Variants in MIPOL1 observed in about 807,000 individuals in gnomAD.
MIPOL1 encodes mirror-image polydactyly gene 1 protein.
A neutral mutation model predicts 60.9 loss-of-function variants in MIPOL1; 57 were observed. The observed-to-expected ratio is 0.94, with a 90% CI of 0.76 to 1.17. The LOEUF is 1.17. MIPOL1 is among the 50% of genes most tolerant of loss of function. MIPOL1 has a pLI of 0.00. For missense variants in MIPOL1, 551 were observed against 511.6 expected (o/e 1.08, Z -0.74); for synonymous variants, 179 against 168.8 (o/e 1.06, Z -0.47).
Position 37,202,593 on chromosome 14 carries a change from C to A in MIPOL1, c.-199+4489C>A, listed in dbSNP as rs572538876. Among the ~76,000 whole-genome samples the A allele has an allele frequency of 1.0e-3, 155 of 152,296 alleles. 3 individuals are homozygous for A. Among genetic ancestry groups the A allele is most frequent in the South Asian group, 7.0e-3 (34 of 4,828 alleles). Reference sequence around the variant, plus strand: ...CTCAGACAAGGGAGTCCCCTCCCTCCAGGGCTTCAGACTTCATAAGGGAGC... The same window carrying A: ...CTCAGACAAGGGAGTCCCCTCCCTCAAGGGCTTCAGACTTCATAAGGGAGC... On this transcript the variant is annotated intron_variant, in intron 1 of 12. Coordinates refer to ENST00000684589, the MANE Select transcript of MIPOL1 (RefSeq NM_001388067.1).
intron 6 of MIPOL1, 47 bp downstream of exon 6, chr14:37,270,572 G>A (rs773667734): frequency 4.0e-6 from 4 of 998,102 alleles, no homozygotes; most frequent in African/African-American, 3.4e-5. Flanking sequence ...TCACACACAA[G>A]GTTATTATAT....
At chr14:37,224,917 T>G in intron 1 of MIPOL1, among the ~76,000 whole-genome samples, 1 of 152,126 alleles carries the variant, frequency 6.6e-6, no homozygotes, top group East Asian at 1.9e-4. Flanking sequence ...GGTATAGGCA[T>G]TGGGCAAATA....
chr14:37,484,777 ATT>A (rs2094922929), intron 11 of MIPOL1, among the ~76,000 whole-genome samples: 1 of 151,946 alleles, frequency 6.6e-6, no homozygotes, highest in Non-Finnish European at 1.5e-5. Flanking sequence ...CAATTCTGCT[ATT>A]TAGCCTATCC....
chr14:37,393,100 A>G (rs2093289028), intron 10 of MIPOL1, among the ~76,000 whole-genome samples: 1 of 152,156 alleles, frequency 6.6e-6, no homozygotes. Flanking sequence ...GGCAGAGATT[A>G]GTGTGTCCAC....
intron 11 of MIPOL1, among the ~76,000 whole-genome samples, chr14:37,463,390 A>C (rs573134949): frequency 6.6e-6 from 1 of 152,318 alleles, no homozygotes; most frequent in South Asian, 2.1e-4. Context: ...AAATTATATC[A>C]GTACAGATAG....
chr14:37,387,514 C>T (rs1399662588), intron 10 of MIPOL1, among the ~76,000 whole-genome samples: 1 of 151,832 alleles, frequency 6.6e-6, no homozygotes, highest in Non-Finnish European at 1.5e-5. Flanking sequence ...GATTGTTGAA[C>T]TTAAATCATG....
chr14:37,327,444 C>T (rs999486994), intron 9 of MIPOL1, among the ~76,000 whole-genome samples: 4 of 152,114 alleles, frequency 2.6e-5, no homozygotes, highest in African/African-American at 9.7e-5. Context: ...CATGCCACCA[C>T]ACCCGGCTAC....
intron 1 of MIPOL1, among the ~76,000 whole-genome samples, chr14:37,224,071 T>C (rs1343671969): frequency 6.6e-6 from 1 of 152,166 alleles, no homozygotes; most frequent in African/African-American, 2.4e-5. Flanking sequence ...TTCTCAAAGG[T>C]TACAGTGTTA....
chr14:37,544,250 A>G (rs1275494160), intron 12 of MIPOL1, among the ~76,000 whole-genome samples: 1 of 152,228 alleles, frequency 6.6e-6, no homozygotes, highest in Non-Finnish European at 1.5e-5. Flanking sequence ...AACAAAAATC[A>G]TATTTAAAGT....
At chr14:37,227,173 G>A (rs1043089087) in intron 1 of MIPOL1, among the ~76,000 whole-genome samples, 3 of 152,062 alleles carry the variant, frequency 2.0e-5, no homozygotes, top group Admixed American at 2.0e-4. Flanking sequence ...TTTTCACTGG[G>A]CTAAAATGAA....
chr14:37,332,979 T>G (rs1380872451), intron 9 of MIPOL1, among the ~76,000 whole-genome samples: 1 of 152,194 alleles, frequency 6.6e-6, no homozygotes, highest in African/African-American at 2.4e-5. Flanking sequence ...TTGCAATACT[T>G]TAGCTCACTG....
intron 1 of MIPOL1, among the ~76,000 whole-genome samples, chr14:37,239,002 A>C (rs1971936148): frequency 6.6e-6 from 1 of 151,170 alleles, no homozygotes; most frequent in African/African-American, 2.4e-5. Context: ...ATGAAAAGTC[A>C]TCAGTGTCTT....
chr14:37,508,102 A>G (rs1041385963), intron 12 of MIPOL1, among the ~76,000 whole-genome samples: 2 of 152,178 alleles, frequency 1.3e-5, no homozygotes, highest in Non-Finnish European at 2.9e-5. Context: ...AAACCAACTT[A>G]TAAGACTTCG....
At chr14:37,312,488 A>G (rs1567415111) in intron 9 of MIPOL1, among the ~76,000 whole-genome samples, 2 of 152,172 alleles carry the variant, frequency 1.3e-5, no homozygotes, top group Non-Finnish European at 2.9e-5. Context: ...CTTTAGTCAC[A>G]TTCCATATAG....
At chr14:37,440,906 C>T (rs988923968) in intron 11 of MIPOL1, among the ~76,000 whole-genome samples, 2 of 152,114 alleles carry the variant, frequency 1.3e-5, no homozygotes, top group African/African-American at 4.8e-5. Flanking sequence ...TTTATGTCTG[C>T]CAATTCACCA....
chr14:37,229,718 T>C (rs183425072), intron 1 of MIPOL1, among the ~76,000 whole-genome samples: 8 of 152,324 alleles, frequency 5.3e-5, no homozygotes, highest in African/African-American at 1.9e-4. Flanking sequence ...GGGGCTTTTA[T>C]TAAATTAAAT....
intron 11 of MIPOL1, among the ~76,000 whole-genome samples, chr14:37,442,455 A>C (rs969539980): frequency 2.0e-5 from 3 of 152,092 alleles, no homozygotes; most frequent in African/African-American, 7.2e-5. Context: ...TCCAGTTTTC[A>C]AGGGGAATGA....
At chr14:37,382,277 C>A (rs913422393) in intron 10 of MIPOL1, among the ~76,000 whole-genome samples, 1 of 151,934 alleles carries the variant, frequency 6.6e-6, no homozygotes, top group South Asian at 2.1e-4. Context: ...GCATAAAGTC[C>A]AGATTGGTTG....
chr14:37,390,009 G>C (rs1050679225), intron 10 of MIPOL1, among the ~76,000 whole-genome samples: 3 of 151,858 alleles, frequency 2.0e-5, no homozygotes, highest in Admixed American at 1.3e-4. Context: ...GAGACCAGCT[G>C]CTCAACAGGG....
Sources: gnomAD v4.1 joint callset for allele counts (sites outside exome capture counted in the v4.1 genomes callset) on GRCh38, gnomAD v4.1.1 for gene constraint, MANE v1.5 for transcripts, NCBI Gene and HGNC (gene_info 2026-07-23, HGNC 2026-07-21) for gene names.